The following LARS2 variants were observed in gnomAD, a reference collection of about 807,000 sequenced individuals.
LARS2 encodes the protein leucyl-tRNA synthetase 2, mitochondrial.
In LARS2, 81 loss-of-function variants were observed where a neutral mutation model predicts 116.6. The ratio of observed to expected loss-of-function variants is 0.69; its 90% CI spans 0.58 to 0.84. The LOEUF (loss-of-function observed/expected upper bound fraction) is 0.84. Ranked by LOEUF, LARS2 falls within the 40% of genes least tolerant of loss-of-function variation. LARS2 has a pLI of 0.00. For synonymous variants in LARS2, 396 were observed against 407.2 expected (o/e 0.97, Z 0.33); for missense variants, 968 against 1,114.5 (o/e 0.87, Z 1.87).
At chr3:45,474,512 A>T (rs1699580870) in intron 9 of LARS2, among the ~76,000 whole-genome samples, 162 bp downstream of exon 9, 1 of 152,242 alleles carries the variant, frequency 6.6e-6, no homozygotes. Flanking sequence ...TGCAAAGAAC[A>T]GGTGAAATGA....
intron 9 of LARS2, among the ~76,000 whole-genome samples, chr3:45,474,841 G>T (rs1361865376): frequency 2.0e-5 from 3 of 152,060 alleles, no homozygotes; most frequent in Admixed American, 2.0e-4. Context: ...AGTCTCAAAG[G>T]GGTTCATGTC....
chr3:45,453,628 G>A (rs1699170479), intron 7 of LARS2, among the ~76,000 whole-genome samples: 1 of 152,180 alleles, frequency 6.6e-6, no homozygotes. Flanking sequence ...TAGCCTTGTG[G>A]GCTACCCCTG....
At chr3:45,542,824 T>C (rs1326235800) in intron 21 of LARS2, among the ~76,000 whole-genome samples, 1 of 152,178 alleles carries the variant, frequency 6.6e-6, no homozygotes, top group African/African-American at 2.4e-5. Context: ...AAAATCAAGA[T>C]AGGACAGACA....
At chr3:45,484,656 A>C (rs1315186843) in intron 10 of LARS2, among the ~76,000 whole-genome samples, 1 of 79,794 alleles carries the variant, frequency 1.3e-5, no homozygotes, top group Non-Finnish European at 2.7e-5. Context: ...TATTTAAAAT[A>C]AGATGTTATT....
intron 6 of LARS2, among the ~76,000 whole-genome samples, chr3:45,433,308 C>T (rs1698749832): frequency 6.6e-6 from 1 of 151,958 alleles, no homozygotes; most frequent in Non-Finnish European, 1.5e-5. Context: ...TCTGGTATCT[C>T]CTGTTTTTGT....
rs140589843 is a variant in LARS2, at chr3:45,400,266, G to C, written c.256G>C (p.Val86Leu). 4 of 1,612,256 alleles carry C rather than the reference G, an allele frequency of 2.5e-6. No homozygotes were observed. Among genetic ancestry groups the C allele is most frequent in the Non-Finnish European group, 2.5e-6 (3 of 1,179,468 alleles). ...EADKSKPKFY[V>L]LSMFPYPSGK... ...CTAGAAATCGAAGCCAAAATTTTACGTGCTTTCCATGTTCCCTTATCCTTC... is the reference window on the plus strand; with the variant it reads ...CTAGAAATCGAAGCCAAAATTTTACCTGCTTTCCATGTTCCCTTATCCTTC... The change falls in exon 4 of 22, where the codon GTG becomes CTG. Residue 86 changes from valine to leucine, a missense_variant. Val to Leu is a conservative substitution (Grantham distance 32). Transcript: ENST00000645846.
intron 1 of LARS2, among the ~76,000 whole-genome samples, chr3:45,389,382 C>T (rs1434173656): frequency 6.6e-6 from 1 of 152,158 alleles, no homozygotes; most frequent in African/African-American, 2.4e-5. Flanking sequence ...ACTGTGGGCT[C>T]TGACGGCTCC....
At chr3:45,436,813 AAAAG>A (rs1698816896) in intron 6 of LARS2, among the ~76,000 whole-genome samples, 1 of 151,674 alleles carries the variant, frequency 6.6e-6, no homozygotes, top group Non-Finnish European at 1.5e-5. Context: ...AAAAAAAAAA[AAAAG>A]AAAAGCCGTT....
chr3:45,512,293 C>T (rs1306700069), intron 15 of LARS2, among the ~76,000 whole-genome samples: 4 of 152,166 alleles, frequency 2.6e-5, no homozygotes, highest in Non-Finnish European at 4.4e-5. Flanking sequence ...CAGCAGATAT[C>T]GCCATGAATC....
chr3:45,523,073 G>A (rs1700478194), intron 19 of LARS2, among the ~76,000 whole-genome samples: 1 of 152,074 alleles, frequency 6.6e-6, no homozygotes, highest in East Asian at 1.9e-4. Flanking sequence ...TTCATTTCCT[G>A]TATATTCTGT....
At chr3:45,477,839 T>C (rs1177727269) in intron 10 of LARS2, among the ~76,000 whole-genome samples, 2 of 152,234 alleles carry the variant, frequency 1.3e-5, no homozygotes, top group Non-Finnish European at 2.9e-5. Flanking sequence ...AAACATTTCC[T>C]AATACTAGGT....
At chr3:45,443,118 G>A (rs758154917) in intron 6 of LARS2, among the ~76,000 whole-genome samples, 1 of 152,088 alleles carries the variant, frequency 6.6e-6, no homozygotes, top group South Asian at 2.1e-4. Context: ...AAATTTTCCC[G>A]GTTGAGCACT....
At chr3:45,430,776 G>C (rs578209088) in intron 6 of LARS2, among the ~76,000 whole-genome samples, 1 of 150,020 alleles carries the variant, frequency 6.7e-6, no homozygotes, top group South Asian at 2.1e-4. Context: ...TAGTAGAGAC[G>C]GGGTTTCACC....
intron 15 of LARS2, among the ~76,000 whole-genome samples, chr3:45,502,985 C>T (rs1025742196): frequency 5.3e-5 from 8 of 151,904 alleles, no homozygotes; most frequent in Non-Finnish European, 1.2e-4. Context: ...GCTGTTCTCA[C>T]TCATGATGCC....
chr3:45,459,538 G>A (rs925994002), intron 8 of LARS2, among the ~76,000 whole-genome samples: 3 of 152,186 alleles, frequency 2.0e-5, no homozygotes, highest in Admixed American at 1.3e-4. Flanking sequence ...AGTCTTTAAG[G>A]TGCCTTCTAG....
At chr3:45,542,172 A>G (rs1327137234) in intron 21 of LARS2, among the ~76,000 whole-genome samples, 1 of 152,226 alleles carries the variant, frequency 6.6e-6, no homozygotes, top group Admixed American at 6.5e-5. Flanking sequence ...GCATGTGAGC[A>G]TAAAACTCTC....
rs759483641 is a variant in LARS2, at chr3:45,491,758, C to G, written c.1481C>G (p.Pro494Arg). 6.2e-7 allele frequency: 1 copy of G among 1,613,966 alleles called. No individual in the cohort carries two copies. The highest frequency in any genetic ancestry group is 8.5e-7 in the Non-Finnish European group (1 of 1,179,862). The change falls in exon 13 of 22, where the codon CCA (proline) becomes CGA (arginine). Residue 494 changes from proline (P) to arginine (R), a missense_variant. Coordinates refer to ENST00000645846, the MANE Select transcript of LARS2 (RefSeq NM_015340.4). Reference sequence around the variant, plus strand: ...TCTTTCACTGGCAAGGGAGGCCCCCCACTGGCCATGGCTTCAGAGTGGGTG... The same window carrying G: ...TCTTTCACTGGCAAGGGAGGCCCCCGACTGGCCATGGCTTCAGAGTGGGTG... ...IASFTGKGGP[P>R]LAMASEWVNC...
chr3:45,534,964 G>C (rs897774083), intron 20 of LARS2, among the ~76,000 whole-genome samples: 24 of 152,168 alleles, frequency 1.6e-4, no homozygotes, highest in African/African-American at 5.1e-4. Context: ...GAGGGTGGTA[G>C]CTGCTTGCCT....
intron 6 of LARS2, among the ~76,000 whole-genome samples, chr3:45,435,162 T>C (rs1698778216): frequency 6.6e-6 from 1 of 152,094 alleles, no homozygotes; most frequent in Non-Finnish European, 1.5e-5. Context: ...CACTGAGCAG[T>C]GTGGAATTCC....
Sources: gnomAD v4.1 joint callset for allele counts (sites outside exome capture counted in the v4.1 genomes callset) on GRCh38, gnomAD v4.1.1 for gene constraint, MANE v1.5 for transcripts, NCBI Gene and HGNC (gene_info 2026-07-23, HGNC 2026-07-21) for gene names.